Variants in ANK2 observed in about 807,000 individuals in gnomAD.
The protein encoded by ANK2 is ankyrin-2.
Under a neutral mutation model 360.5 loss-of-function variants are expected in ANK2, and 83 were observed. The observed-to-expected ratio is 0.23, with a 90% CI of 0.19 to 0.28. The LOEUF (loss-of-function observed/expected upper bound fraction) is 0.28, where lower values mean the gene tolerates loss of function less well. ANK2 is among the 10% of genes least tolerant of loss of function. The pLI, the probability that ANK2 is intolerant of heterozygous loss-of-function variation, is 1.00. For missense variants in ANK2, 4,201 were observed against 4,795.7 expected (o/e 0.88, Z 3.66); for synonymous variants, 1,740 against 1,759.5 (o/e 0.99, Z 0.28).
Position 113,237,631 on chromosome 4 carries a change from T to C in ANK2, c.693+9T>C. On this transcript the variant is annotated intron_variant, in intron 7 of 45. Coordinates refer to ENST00000357077, the MANE Select transcript of ANK2 (RefSeq NM_001148.6). ...TGAATAGGACAACTGAGGTACAGTA[T>C]TGTGGTTATACCAAAATTTACCTTG... The C allele has an allele frequency of 1.9e-6, 3 of 1,605,690 alleles. No homozygotes were observed. The highest frequency in any genetic ancestry group is 1.7e-6 in the Non-Finnish European group (2 of 1,172,380).
At chr4:113,228,088 G>A (rs900154484) in intron 4 of ANK2, among the ~76,000 whole-genome samples, 4 of 152,168 alleles carry the variant, frequency 2.6e-5, no homozygotes, top group South Asian at 4.2e-4. Context: ...CACATGTGAT[G>A]TTTGTGAAAT....
At chr4:113,184,021 G>A (rs2098466442) in intron 2 of ANK2, among the ~76,000 whole-genome samples, 1 of 150,048 alleles carries the variant, frequency 6.7e-6, no homozygotes, top group African/African-American at 2.4e-5. Context: ...GTGATTAATA[G>A]GAATACGAGA....
intron 1 of ANK2, among the ~76,000 whole-genome samples, chr4:113,129,405 A>T (rs1209945164): frequency 1.3e-5 from 2 of 152,178 alleles, no homozygotes; most frequent in African/African-American, 4.8e-5. Flanking sequence ...TGCTTTGTAT[A>T]ACTTGGAATG....
the ANK2 span, among the ~76,000 whole-genome samples, chr4:112,730,375 G>T: frequency 7.3e-5 from 11 of 151,248 alleles, no homozygotes; most frequent in African/African-American, 2.7e-4. Flanking sequence ...AGTGGCTCAC[G>T]CCTGTAATCC....
intron 18 of ANK2, among the ~76,000 whole-genome samples, chr4:113,287,171 T>A (rs961648787): frequency 6.6e-6 from 1 of 152,228 alleles, no homozygotes; most frequent in African/African-American, 2.4e-5. Flanking sequence ...GTCCATTTTT[T>A]ACACTGATGT....
intron 1 of ANK2, among the ~76,000 whole-genome samples, chr4:112,895,531 A>G (rs879805880): frequency 8.5e-5 from 13 of 152,168 alleles, no homozygotes; most frequent in Admixed American, 2.6e-4. Flanking sequence ...ATTTATCATT[A>G]TCTGTTCTCT....
At chr4:112,964,671 G>A (rs1012830340) in intron 2 of ANK2, among the ~76,000 whole-genome samples, 2 of 150,726 alleles carry the variant, frequency 1.3e-5, no homozygotes, top group African/African-American at 4.9e-5. Context: ...CCAGGTTCAC[G>A]CCATTCTCCT....
Position 113,274,536 on chromosome 4 carries a change from G to A in ANK2, c.1570G>A (p.Asp524Asn), listed in dbSNP as rs2153688412. ...QLLLQHMAHP[D>N]AATTNGYTPL... ...GCTTCTACAACATATGGCTCATCCAGATGCGGCCACTACAAATGGGTACAC... is the reference window on the plus strand; with the variant it reads ...GCTTCTACAACATATGGCTCATCCAAATGCGGCCACTACAAATGGGTACAC... The change falls in exon 15 of 46, where the codon GAT becomes AAT. Residue 524 changes from aspartate (D) to asparagine (N), a missense_variant. Physicochemically the swap from Asp to Asn is conservative, Grantham distance 23. This residue lies in a region of ANK2 where 1,268 missense variants were observed against 1,650.8 expected (regional missense o/e 0.77). Coordinates refer to ENST00000357077, the MANE Select transcript of ANK2 (RefSeq NM_001148.6). 6.2e-7 allele frequency: 1 copy of A among 1,614,216 alleles called. No individual in the cohort carries two copies. Among genetic ancestry groups the A allele is most frequent in the Non-Finnish European group, 8.5e-7 (1 of 1,180,050 alleles).
chr4:112,738,777 T>C, the ANK2 span: 1 of 622,698 alleles, frequency 1.6e-6, no homozygotes, highest in Non-Finnish European at 3.0e-6. Flanking sequence ...GCGTAACTGG[T>C]GGAAACCCAG....
At chr4:113,369,303 C>T (rs1189567142) in intron 42 of ANK2, among the ~76,000 whole-genome samples, 2 of 152,218 alleles carry the variant, frequency 1.3e-5, no homozygotes, top group African/African-American at 4.8e-5. Flanking sequence ...AATAACATCA[C>T]TCTCTGCCAG....
chr4:113,217,344 C>A (rs1473658307), intron 4 of ANK2, among the ~76,000 whole-genome samples: 1 of 152,066 alleles, frequency 6.6e-6, no homozygotes, highest in East Asian at 1.9e-4. Flanking sequence ...AAAGTTTGTT[C>A]GGGGTTGCAC....
rs185620678 is a variant in ANK2, at chr4:113,098,683, A to G, written c.84+48871A>G. ...GACAGAATACTTCCTAGTTAATCCT[A>G]TGAGGCTGGTATAACCCTAATTCTA... On this transcript the variant is annotated intron_variant, in intron 1 of 45. Transcript: ENST00000357077. 3.9e-5 allele frequency among the ~76,000 whole-genome samples: 6 copies of G among 152,128 alleles called. No individual in the cohort carries two copies. The East Asian group carries it at 7.7e-4, about 20-fold the overall frequency.
chr4:113,197,097 T>C (rs1258553487), intron 3 of ANK2, among the ~76,000 whole-genome samples: 1 of 152,180 alleles, frequency 6.6e-6, no homozygotes, highest in Non-Finnish European at 1.5e-5. Flanking sequence ...AATAAACCCA[T>C]GTGGGAAACT....
At chr4:112,924,235 G>C (rs1386414759) in intron 2 of ANK2, among the ~76,000 whole-genome samples, 2 of 152,158 alleles carry the variant, frequency 1.3e-5, no homozygotes, top group East Asian at 1.9e-4. Flanking sequence ...GGGTGTGGTG[G>C]TGGGGCCCCT....
At chr4:112,782,832 G>T in the ANK2 span, among the ~76,000 whole-genome samples, 2 of 151,452 alleles carry the variant, frequency 1.3e-5, no homozygotes, top group Non-Finnish European at 2.9e-5. Flanking sequence ...TTGCACCACT[G>T]CACTCCAGCC....
At chr4:112,936,618 A>G (rs1448523386) in intron 2 of ANK2, among the ~76,000 whole-genome samples, 9 of 152,176 alleles carry the variant, frequency 5.9e-5, no homozygotes, top group Admixed American at 5.9e-4. Flanking sequence ...TGCTGGGATT[A>G]CAGGCGTGAG....
intron 1 of ANK2, among the ~76,000 whole-genome samples, chr4:112,839,767 A>G (rs1187675109): frequency 6.6e-6 from 1 of 152,256 alleles, no homozygotes; most frequent in Non-Finnish European, 1.5e-5. Flanking sequence ...CTTTAAGGCA[A>G]TAATGATCCA....
intron 2 of ANK2, among the ~76,000 whole-genome samples, chr4:113,026,811 A>G (rs2154301118): frequency 6.6e-6 from 1 of 152,306 alleles, no homozygotes; most frequent in Admixed American, 6.5e-5. Context: ...TGAAGGAAAA[A>G]AATAAAAAAT....
In ANK2 at chr4:113,274,553, T is replaced by C. The variant is rs2059573735; in HGVS notation, c.1587T>C (p.Asn529=). The change falls in exon 15 of 46, where the codon AAT becomes AAC. Residue 529 remains asparagine, a synonymous_variant. Coordinates refer to ENST00000357077, the MANE Select transcript of ANK2 (RefSeq NM_001148.6). ...CTCATCCAGATGCGGCCACTACAAATGGGTACACACCACTGCACATCTCTG... is the reference window on the plus strand; with the variant it reads ...CTCATCCAGATGCGGCCACTACAAACGGGTACACACCACTGCACATCTCTG... ...HMAHPDAATT[N]GYTPLHISAR... is the part of the protein sequence containing the mutation. The C allele has an allele frequency of 1.2e-6, 2 of 1,614,018 alleles. No individual in the cohort carries two copies. Among genetic ancestry groups the C allele is most frequent in the Admixed American group, 3.3e-5 (2 of 60,012 alleles).
Sources: allele counts gnomAD v4.1 joint callset (sites outside exome capture counted in the v4.1 genomes callset), GRCh38; gene constraint gnomAD v4.1.1; regional missense constraint gnomAD v4.1.1; transcripts MANE v1.5; gene names NCBI Gene and HGNC (gene_info 2026-07-23, HGNC 2026-07-21).